TSC22D1: variants seen among roughly 807,000 people sequenced by gnomAD.
The protein encoded by TSC22D1 is TSC22 domain family protein 1.
TSC22D1 carries 9 observed loss-of-function variants against 74.2 expected under a neutral mutation model. The observed-to-expected ratio is 0.12, with a 90% CI of 0.07 to 0.21. The LOEUF is 0.21. Ranked by LOEUF, TSC22D1 falls within the 10% of genes least tolerant of loss-of-function variation. The pLI is 1.00. For missense variants in TSC22D1, 1,427 were observed against 1,304.7 expected, an observed-to-expected ratio of 1.09 and a Z score of -1.44; for synonymous variants, 586 against 492.5, an observed-to-expected ratio of 1.19 and a Z score of -2.51.
At chr13:44,467,622 G>A (rs1178457761) in intron 1 of TSC22D1, among the ~76,000 whole-genome samples, 1 of 152,052 alleles carries the variant, frequency 6.6e-6, no homozygotes, top group Non-Finnish European at 1.5e-5. Context: ...TATACAAATG[G>A]CCAAGAAACA....
At chr13:44,455,820 G>A (rs530989762) in intron 1 of TSC22D1, among the ~76,000 whole-genome samples, 1 of 152,138 alleles carries the variant, frequency 6.6e-6, no homozygotes, top group African/African-American at 2.4e-5. Context: ...CCACTAAAGA[G>A]ATGAGAACCC....
intron 1 of TSC22D1, among the ~76,000 whole-genome samples, chr13:44,544,329 A>C (rs1402186201): frequency 6.6e-6 from 1 of 151,524 alleles, no homozygotes; most frequent in East Asian, 1.9e-4. Context: ...AAAGGGAGAG[A>C]TCTTACCCGA....
At chr13:44,448,690 C>A (rs1875880957) in intron 1 of TSC22D1, among the ~76,000 whole-genome samples, 1 of 152,046 alleles carries the variant, frequency 6.6e-6, no homozygotes, top group African/African-American at 2.4e-5. Flanking sequence ...GTTTCTTTAA[C>A]CCTCTGATCT....
chr13:44,482,393 G>C (rs1878219343), intron 1 of TSC22D1, among the ~76,000 whole-genome samples: 1 of 152,046 alleles, frequency 6.6e-6, no homozygotes, highest in South Asian at 2.1e-4. Flanking sequence ...AAAAAAATTA[G>C]CCAGGCATGG....
At chr13:44,519,916 C>T (rs1168855506) in intron 1 of TSC22D1, among the ~76,000 whole-genome samples, 4 of 152,082 alleles carry the variant, frequency 2.6e-5, no homozygotes, top group African/African-American at 7.2e-5. Context: ...TACTGAAATA[C>T]GACACCCAGG....
intron 1 of TSC22D1, among the ~76,000 whole-genome samples, chr13:44,516,780 G>T (rs1483595265): frequency 2.0e-5 from 3 of 152,172 alleles, no homozygotes; most frequent in Non-Finnish European, 4.4e-5. Flanking sequence ...TTTTCCCTCT[G>T]TAATTCCCTT....
intron 1 of TSC22D1, among the ~76,000 whole-genome samples, chr13:44,504,525 G>A (rs1879356269): frequency 6.6e-6 from 1 of 151,210 alleles, no homozygotes; most frequent in Non-Finnish European, 1.5e-5. Context: ...GATCACCTGA[G>A]CCTGGGAGGT....
At position 44,434,537 on chromosome 13, in the gene TSC22D1, G is replaced by A. The variant is rs1874355670; in HGVS notation, c.*89C>T. 1 of 1,473,016 alleles carries A rather than the reference G, an allele frequency of 6.8e-7. No homozygotes were observed. The highest frequency in any genetic ancestry group is 2.4e-5 in the East Asian group (1 of 41,422). The allele number at this position is 1,473,016 out of a possible 1,614,324, so 91.2% of individuals were successfully genotyped here. On this transcript the variant is annotated 3_prime_UTR_variant, in exon 3 of 3. Coordinates refer to ENST00000458659, the MANE Select transcript of TSC22D1 (RefSeq NM_183422.4). Reference sequence around the variant, plus strand: ...TCTCTTTCGCAGCGAGCAATGAAATGGGTGACTGTGGAGGCAGATTCTCCC... The same window carrying A: ...TCTCTTTCGCAGCGAGCAATGAAATAGGTGACTGTGGAGGCAGATTCTCCC...
At chr13:44,554,630 CAAAA>C (rs59922380) in intron 1 of TSC22D1, among the ~76,000 whole-genome samples, 134 of 68,632 alleles carry the variant, frequency 2.0e-3, no homozygotes, top group African/African-American at 5.6e-3. Context: ...ATACCAGGAA[CAAAA>C]AAAAAAAAAA....
intron 1 of TSC22D1, among the ~76,000 whole-genome samples, chr13:44,549,781 A>G (rs1211517753): frequency 2.0e-5 from 3 of 151,256 alleles, no homozygotes; most frequent in Non-Finnish European, 3.0e-5. Context: ...AAAAAGAAAA[A>G]AAAAAAAAAA....
chr13:44,456,200 T>C (rs7336215), intron 1 of TSC22D1, among the ~76,000 whole-genome samples: 74,858 of 152,102 alleles, frequency 0.49, 18,430 homozygotes, highest in East Asian at 0.64. Flanking sequence ...GCAGCAAGAT[T>C]TATCGCTAAC....
At position 44,525,754 on chromosome 13, in the gene TSC22D1, TC is replaced by T. The variant is rs1267943445; in HGVS notation, c.2912+47408del. Among the ~76,000 whole-genome samples, 8 of 149,100 alleles carry T rather than the reference TC, an allele frequency of 5.4e-5. No homozygotes were observed. The East Asian group carries it at 1.6e-3, about 30-fold the overall frequency. On this transcript the variant is annotated intron_variant, in intron 1 of 2. Transcript: ENST00000458659. ...AAACTTCATACTCAAGTCCTACTGATCTTAGTTCCTTTTACCCAATACATCA... is the reference window on the plus strand; with the variant it reads ...AAACTTCATACTCAAGTCCTACTGATTTAGTTCCTTTTACCCAATACATCA...
intron 1 of TSC22D1, among the ~76,000 whole-genome samples, chr13:44,458,920 C>T (rs530064022): frequency 2.6e-5 from 4 of 152,252 alleles, no homozygotes; most frequent in South Asian, 2.1e-4. Flanking sequence ...CCCCTCAGTA[C>T]GAACAGCCTG....
chr13:44,537,331 T>C, intron 1 of TSC22D1: 3 of 984,850 alleles, frequency 3.0e-6, no homozygotes, highest in Non-Finnish European at 3.6e-6. Context: ...GTTTCACTTT[T>C]AAATAAATAG....
chr13:44,566,210 A>G (rs1883363003), intron 1 of TSC22D1, among the ~76,000 whole-genome samples: 1 of 152,110 alleles, frequency 6.6e-6, no homozygotes, highest in Admixed American at 6.5e-5. Flanking sequence ...CTTACCTCTT[A>G]TTAGCTTTAT....
intron 1 of TSC22D1, among the ~76,000 whole-genome samples, chr13:44,499,134 C>T (rs140442224): frequency 3.2e-4 from 48 of 152,332 alleles, no homozygotes; most frequent in South Asian, 8.3e-4. Flanking sequence ...ATACTCACTC[C>T]TGTACCACTA....
At position 44,575,441 on chromosome 13, in the gene TSC22D1, T is replaced by G; in HGVS notation, c.634A>C (p.Asn212His). 1 of 1,614,084 alleles carries G rather than the reference T, an allele frequency of 6.2e-7. No individual in the cohort carries two copies. Among genetic ancestry groups the G allele is most frequent in the Non-Finnish European group, 8.5e-7 (1 of 1,180,008 alleles). Residue 212 changes from asparagine to histidine, a missense_variant, in exon 1 of 3, where the codon AAT (asparagine) becomes CAT (histidine). Physicochemically the swap from Asn to His is moderately conservative, Grantham distance 68. Coordinates refer to ENST00000458659, the MANE Select transcript of TSC22D1 (RefSeq NM_183422.4). ...PHLPQQNVVI[N>H]GNAHPHHLHH... Reference sequence around the variant, plus strand: ...AGGTGGTGTGGATGAGCATTCCCATTGATCACAACATTCTGTTGTGGAAGG... The same window carrying G: ...AGGTGGTGTGGATGAGCATTCCCATGGATCACAACATTCTGTTGTGGAAGG...
chr13:44,471,899 T>G (rs1197351346), intron 1 of TSC22D1, among the ~76,000 whole-genome samples: 1 of 152,206 alleles, frequency 6.6e-6, no homozygotes. Context: ...TTAAATTATG[T>G]GCTGAAATCC....
At chr13:44,566,029 A>C (rs1297004783) in intron 1 of TSC22D1, among the ~76,000 whole-genome samples, 8 of 152,236 alleles carry the variant, frequency 5.3e-5, no homozygotes, top group Non-Finnish European at 1.2e-4. Flanking sequence ...TGTCTAATGC[A>C]TTCCAGGCAC....
Sources: gnomAD v4.1 joint callset for allele counts (sites outside exome capture counted in the v4.1 genomes callset) on GRCh38, gnomAD v4.1.1 for gene constraint, MANE v1.5 for transcripts, NCBI Gene and HGNC (gene_info 2026-07-23, HGNC 2026-07-21) for gene names.